RBFOX1: variants seen among roughly 807,000 people sequenced by gnomAD.
RBFOX1 encodes the protein RNA binding protein fox-1 homolog 1.
A neutral mutation model predicts 57.7 loss-of-function variants in RBFOX1; 8 were observed. The observed-to-expected ratio is 0.14, with a 90% confidence interval of 0.08 to 0.25. The LOEUF (loss-of-function observed/expected upper bound fraction) is 0.25, where lower values mean the gene tolerates loss of function less well. Among genes scored for constraint, RBFOX1 ranks in the 10% least tolerant of loss-of-function variants. The pLI, the probability that RBFOX1 is intolerant of heterozygous loss-of-function variation, is 1.00. For missense variants in RBFOX1, 611 were observed against 548.5 expected (o/e 1.11, Z -1.14); for synonymous variants, 326 against 222.4 (o/e 1.47, Z -4.15).
intron 3 of RBFOX1, among the ~76,000 whole-genome samples, chr16:5,795,530 A>G (rs750698909): frequency 5.9e-5 from 9 of 152,086 alleles, no homozygotes; most frequent in Admixed American, 2.6e-4. Flanking sequence ...GGCTCAAACA[A>G]TCCTCCTGCC....
intron 3 of RBFOX1, among the ~76,000 whole-genome samples, chr16:6,863,340 C>T (rs1030322740): frequency 6.6e-6 from 1 of 151,976 alleles, no homozygotes; most frequent in Admixed American, 6.6e-5. Flanking sequence ...CAAAACGTGG[C>T]TCACCAGGAG....
intron 4 of RBFOX1, among the ~76,000 whole-genome samples, chr16:7,089,248 G>C (rs146242333): frequency 6.6e-6 from 1 of 152,142 alleles, no homozygotes; most frequent in Non-Finnish European, 1.5e-5. Flanking sequence ...TGCGTATCAC[G>C]AAAGAGGTAT....
chr16:6,672,541 G>A (rs980770015), intron 3 of RBFOX1, among the ~76,000 whole-genome samples: 3 of 150,166 alleles, frequency 2.0e-5, no homozygotes, highest in Non-Finnish European at 4.4e-5. Flanking sequence ...GAAAGAACAG[G>A]AGAAAGAAAA....
At chr16:7,265,394 T>C (rs899488991) in intron 4 of RBFOX1, among the ~76,000 whole-genome samples, 3 of 152,022 alleles carry the variant, frequency 2.0e-5, no homozygotes, top group African/African-American at 7.2e-5. Context: ...GTCTTTTCTT[T>C]CTTTTTCTTT....
intron 3 of RBFOX1, among the ~76,000 whole-genome samples, chr16:6,722,297 C>G (rs1384309544): frequency 2.0e-5 from 3 of 150,108 alleles, no homozygotes; most frequent in Admixed American, 1.3e-4. Flanking sequence ...TCTCCACAGC[C>G]TCGCCAACTT....
chr16:5,299,793 C>T (rs1472123870), intron 1 of RBFOX1, among the ~76,000 whole-genome samples: 2 of 151,880 alleles, frequency 1.3e-5, no homozygotes. Flanking sequence ...CAATTTTTTT[C>T]CCTATTGAAC....
At chr16:5,900,797 G>C (rs2058287691) in intron 4 of RBFOX1, among the ~76,000 whole-genome samples, 1 of 152,168 alleles carries the variant, frequency 6.6e-6, no homozygotes, top group Non-Finnish European at 1.5e-5. Context: ...CTCCCTAGAA[G>C]AATTCACAAC....
At position 5,441,918 on chromosome 16, in the gene RBFOX1, C is replaced by T. The variant is rs1221095728; in HGVS notation, c.220-25298C>T. On this transcript the variant is annotated intron_variant, in intron 1 of 2. Transcript: ENST00000585867. ...TCTCCACTTGTTCTCTCCCACGACA[C>T]ATGGGGATTATGGGAACTACAATTC... Among the ~76,000 whole-genome samples, 3 of 152,272 alleles carry T rather than the reference C, an allele frequency of 2.0e-5. No homozygotes were observed. The East Asian group carries it at 5.8e-4, about 29-fold the overall frequency.
At chr16:6,305,763 C>T (rs1205598288) in intron 1 of RBFOX1, among the ~76,000 whole-genome samples, 1 of 151,818 alleles carries the variant, frequency 6.6e-6, no homozygotes, top group Admixed American at 6.6e-5. Flanking sequence ...GACAGTAACT[C>T]ACCCAAGGTC....
intron 3 of RBFOX1, among the ~76,000 whole-genome samples, chr16:5,673,062 A>G (rs540128892): frequency 6.6e-6 from 1 of 152,240 alleles, no homozygotes; most frequent in South Asian, 2.1e-4. Context: ...ACCCGCTTCC[A>G]GCGGTTTGGA....
chr16:7,426,490 A>G (rs1244467871), intron 4 of RBFOX1, among the ~76,000 whole-genome samples: 1 of 152,176 alleles, frequency 6.6e-6, no homozygotes, highest in Non-Finnish European at 1.5e-5. Flanking sequence ...TGAGTTCCTG[A>G]GCAGCATGGT....
At chr16:5,964,792 C>G (rs757939144) in intron 4 of RBFOX1, among the ~76,000 whole-genome samples, 8 of 151,714 alleles carry the variant, frequency 5.3e-5, no homozygotes, top group African/African-American at 1.9e-4. Context: ...TACACACACA[C>G]ATTGGTGCAT....
intron 3 of RBFOX1, among the ~76,000 whole-genome samples, chr16:5,863,575 C>G (rs2057277366): frequency 6.6e-6 from 1 of 152,192 alleles, no homozygotes; most frequent in Non-Finnish European, 1.5e-5. Context: ...ATGAATACTA[C>G]CTGCCTTAGA....
intron 1 of RBFOX1, among the ~76,000 whole-genome samples, chr16:6,041,373 A>T (rs2095434505): frequency 6.6e-6 from 1 of 152,260 alleles, no homozygotes; most frequent in East Asian, 1.9e-4. Context: ...GAATTTTCAG[A>T]CATGTTTTAA....
intron 3 of RBFOX1, among the ~76,000 whole-genome samples, chr16:6,694,897 T>C (rs1364474445): frequency 6.6e-6 from 1 of 151,502 alleles, no homozygotes; most frequent in African/African-American, 2.4e-5. Flanking sequence ...GAAGACAGCA[T>C]GCGTGGTAAA....
chr16:5,856,179 C>CTATA lies in RBFOX1; in HGVS notation c.319-11123_319-11122insATAT, dbSNP rs1404470500. ...TCTCTCTCTCTCTCTCTCTCTCTCTCTCTCTCTCTATATATATATATATAT... is the reference window on the plus strand; with the variant it reads ...TCTCTCTCTCTCTCTCTCTCTCTCTCTATATCTCTCTCTATATATATATATATAT... On this transcript the variant is annotated intron_variant, in intron 3 of 19. Coordinates refer to the RBFOX1 transcript ENST00000641259. Among the ~76,000 whole-genome samples, 64 of 54,380 alleles carry CTATA rather than the reference C, an allele frequency of 1.2e-3. 1 individual carries two copies. The highest frequency in any genetic ancestry group is 1.7e-3 in the Non-Finnish European group (49 of 28,854). 35.7% of individuals were successfully genotyped at this position (54,380 alleles called of 152,430 possible). A position where few individuals can be genotyped will look rare whatever the true frequency, so the allele number is the denominator to read the frequency against.
chr16:6,565,384 A>T (rs1405963415), intron 2 of RBFOX1, among the ~76,000 whole-genome samples: 1 of 152,086 alleles, frequency 6.6e-6, no homozygotes. Context: ...CAGCCTCCCA[A>T]GTAGCTGGAA....
At chr16:6,817,091 C>G (rs527784849) in intron 3 of RBFOX1, among the ~76,000 whole-genome samples, 2 of 152,266 alleles carry the variant, frequency 1.3e-5, no homozygotes, top group Admixed American at 1.3e-4. Flanking sequence ...GACTTGACAT[C>G]TAGGTGACTG....
intron 3 of RBFOX1, among the ~76,000 whole-genome samples, chr16:5,799,498 C>A (rs1020211542): frequency 6.6e-6 from 1 of 152,188 alleles, no homozygotes; most frequent in Non-Finnish European, 1.5e-5. Context: ...AAGCAACATA[C>A]ATTCAGTAGA....
Sources: allele counts gnomAD v4.1 joint callset (sites outside exome capture counted in the v4.1 genomes callset), GRCh38; gene constraint gnomAD v4.1.1; transcripts MANE v1.5; gene names NCBI Gene and HGNC (gene_info 2026-07-23, HGNC 2026-07-21).